HSD17B12: variants seen among roughly 807,000 people sequenced by gnomAD.
HSD17B12 encodes very-long-chain 3-oxoacyl-CoA reductase.
HSD17B12 carries 32 observed loss-of-function variants against 39.3 expected under a neutral mutation model. The ratio of observed to expected loss-of-function variants is 0.81; its 90% CI spans 0.61 to 1.09. HSD17B12 has a LOEUF of 1.09. HSD17B12 is among the 50% of genes least tolerant of loss of function. HSD17B12 has a pLI of 0.00. For missense variants in HSD17B12, 342 were observed against 382.9 expected, an observed-to-expected ratio of 0.89 and a Z score of 0.89; for synonymous variants, 150 against 146.7, an observed-to-expected ratio of 1.02 and a Z score of -0.16.
intron 3 of HSD17B12, among the ~76,000 whole-genome samples, chr11:43,769,069 A>C (rs1950625547): frequency 6.6e-6 from 1 of 152,108 alleles, no homozygotes; most frequent in Non-Finnish European, 1.5e-5. Context: ...CCTCCCAAGA[A>C]GCTAGGATTA....
At chr11:43,601,286 T>C in the HSD17B12 span, among the ~76,000 whole-genome samples, 1 of 151,858 alleles carries the variant, frequency 6.6e-6, no homozygotes, top group Non-Finnish European at 1.5e-5. Context: ...TTTTATAGGG[T>C]GGTTGTTTCT....
chr11:43,620,588 A>G, the HSD17B12 span, among the ~76,000 whole-genome samples: 4 of 152,222 alleles, frequency 2.6e-5, no homozygotes, highest in African/African-American at 9.6e-5. Flanking sequence ...AATTACATTC[A>G]GATGCCTATA....
intron 1 of HSD17B12, among the ~76,000 whole-genome samples, chr11:43,712,604 C>T (rs1484058843): frequency 1.3e-5 from 2 of 152,080 alleles, no homozygotes; most frequent in African/African-American, 4.8e-5. Context: ...CCAGATCTAA[C>T]CAATGTAAAT....
the HSD17B12 span, among the ~76,000 whole-genome samples, chr11:43,631,239 C>T: frequency 2.5e-4 from 38 of 152,102 alleles, no homozygotes; most frequent in Non-Finnish European, 5.3e-4. Flanking sequence ...ACATTTTGGC[C>T]TAAAAAGAAA....
intron 1 of HSD17B12, among the ~76,000 whole-genome samples, chr11:43,720,765 A>G (rs752701789): frequency 4.6e-5 from 7 of 152,202 alleles, no homozygotes; most frequent in Non-Finnish European, 2.9e-5. Context: ...AAGATTTACT[A>G]TAGGTGAGAA....
At position 43,831,536 on chromosome 11, in the gene HSD17B12, G is replaced by A. The variant is rs770743875; in HGVS notation, c.536+526G>A. The A allele has an allele frequency of 1.3e-5, 2 of 152,260 alleles. No individual in the cohort carries two copies. The highest frequency in any genetic ancestry group is 1.9e-4 in the East Asian group (1 of 5,204). The allele number at this position is 152,260 out of a possible 1,614,324, so 9.4% of individuals were successfully genotyped here. ...GTTCCAGTTTGAATTGGTTCTGCTA[G>A]TACATGCCGAATGTCTTCATTTTGA... On this transcript the variant is annotated intron_variant, in intron 7 of 10. Transcript: ENST00000278353. This position sits in a 1 kb window ranked among gnomAD's most constrained non-coding sequence, Gnocchi z 4.1.
the HSD17B12 span, among the ~76,000 whole-genome samples, chr11:43,576,863 A>G: frequency 6.6e-6 from 1 of 152,018 alleles, no homozygotes; most frequent in African/African-American, 2.4e-5. Flanking sequence ...CTCTGAATCA[A>G]TAGCTGCTGC....
At position 43,854,866 on chromosome 11, in the gene HSD17B12, T is replaced by C. The variant is rs778631553; in HGVS notation, c.834+2T>C. The C allele has an allele frequency of 1.2e-6, 2 of 1,612,658 alleles. No individual in the cohort carries two copies. ...GGATACCTGATCCATGCTCTTATGG[T>C]AGGTAGATTTTTTGAATCACAAATC... is the stretch of plus-strand genomic sequence containing the variant. On this transcript the variant is annotated splice_donor_variant, in intron 10 of 10. Transcript: ENST00000278353. LOFTEE classifies it high-confidence loss of function.
intron 4 of HSD17B12, among the ~76,000 whole-genome samples, chr11:43,804,163 T>C (rs1950997412): frequency 6.6e-6 from 1 of 152,248 alleles, no homozygotes; most frequent in Non-Finnish European, 1.5e-5. Flanking sequence ...TGGAAAAATA[T>C]ACTTAGTTTG....
chr11:43,765,276 A>G, intron 3 of HSD17B12, among the ~76,000 whole-genome samples: 1 of 151,704 alleles, frequency 6.6e-6, no homozygotes, highest in Middle Eastern at 3.2e-3. Context: ...TTTGAAAGGT[A>G]TTTTCTCTGG....
At chr11:43,766,939 A>G (rs1182982787) in intron 3 of HSD17B12, among the ~76,000 whole-genome samples, 2 of 152,338 alleles carry the variant, frequency 1.3e-5, no homozygotes, top group Non-Finnish European at 2.9e-5. Flanking sequence ...AACATCTGTA[A>G]TATGGGTGGA....
At chr11:43,740,545 T>G (rs761130284) in intron 1 of HSD17B12, among the ~76,000 whole-genome samples, 1 of 152,196 alleles carries the variant, frequency 6.6e-6, no homozygotes, top group Non-Finnish European at 1.5e-5. Flanking sequence ...AATTCAGTGG[T>G]GTTATCAGGG....
the HSD17B12 span, among the ~76,000 whole-genome samples, chr11:43,607,265 C>T: frequency 7.0e-6 from 1 of 143,240 alleles, no homozygotes; most frequent in Non-Finnish European, 1.5e-5. Flanking sequence ...GATGTGCTGG[C>T]ACGTGTGCTC....
At chr11:43,721,401 CAGGTCAGGA>C (rs1246129256) in intron 1 of HSD17B12, among the ~76,000 whole-genome samples, 1 of 151,828 alleles carries the variant, frequency 6.6e-6, no homozygotes, top group Non-Finnish European at 1.5e-5. Flanking sequence ...GGCAGATCAC[CAGGTCAGGA>C]GATCGAGACC....
At chr11:43,738,056 CAA>C (rs759642092) in intron 1 of HSD17B12, among the ~76,000 whole-genome samples, 1,020 of 94,834 alleles carry the variant, frequency 0.011, 5 homozygotes, top group East Asian at 0.065. Context: ...GACTCTGTCC[CAA>C]AAAAAAAAAA....
the HSD17B12 span, among the ~76,000 whole-genome samples, chr11:43,646,568 A>G: frequency 2.6e-5 from 4 of 152,230 alleles, no homozygotes; most frequent in African/African-American, 7.2e-5. Context: ...TTAATTGACA[A>G]GTTACCTCTG....
At chr11:43,841,862 A>T (rs1766551392) in intron 9 of HSD17B12, among the ~76,000 whole-genome samples, 1 of 152,192 alleles carries the variant, frequency 6.6e-6, no homozygotes, top group Non-Finnish European at 1.5e-5. Context: ...GATCGATCAA[A>T]ATAATAATAG....
intron 9 of HSD17B12, among the ~76,000 whole-genome samples, chr11:43,841,957 C>T (rs1289784934): frequency 6.6e-6 from 1 of 152,134 alleles, no homozygotes; most frequent in Non-Finnish European, 1.5e-5. Flanking sequence ...CAATCTCATA[C>T]AATGGTGTGA....
the HSD17B12 span, among the ~76,000 whole-genome samples, chr11:43,671,255 C>T: frequency 6.6e-6 from 1 of 152,214 alleles, no homozygotes; most frequent in Non-Finnish European, 1.5e-5. Flanking sequence ...TCAAGCGATT[C>T]TCCAGCCTCC....
Sources: allele counts gnomAD v4.1 joint callset (sites outside exome capture counted in the v4.1 genomes callset), GRCh38; gene constraint gnomAD v4.1.1; non-coding constraint Gnocchi (gnomAD v3.1); transcripts MANE v1.5; gene names NCBI Gene and HGNC (gene_info 2026-07-23, HGNC 2026-07-21).